MSI2: variants seen among roughly 807,000 people sequenced by gnomAD.
MSI2 encodes the protein musashi RNA binding protein 2, also known as RNA-binding protein Musashi homolog 2.
Under a neutral mutation model 45.6 loss-of-function variants are expected in MSI2, and 17 were observed. The ratio of observed to expected loss-of-function variants is 0.37; its 90% confidence interval spans 0.26 to 0.56. The LOEUF is 0.56. Among genes scored for constraint, MSI2 ranks in the 20% least tolerant of loss-of-function variants. The pLI is 0.77. For synonymous variants in MSI2, 156 were observed against 158.2 expected (o/e 0.99, Z 0.11); for missense variants, 293 against 444.2 (o/e 0.66, Z 3.06).
At chr17:57,464,157 G>A (rs868358874) in intron 6 of MSI2, among the ~76,000 whole-genome samples, 1 of 152,076 alleles carries the variant, frequency 6.6e-6, no homozygotes, top group Non-Finnish European at 1.5e-5. Context: ...GGTAGAAAAA[G>A]AGTTGGCCAG....
At position 57,336,173 on chromosome 17, in the gene MSI2, T is replaced by C. The variant is rs149767258; in HGVS notation, c.313-65206T>C. On this transcript the variant is annotated intron_variant, in intron 5 of 13. Coordinates refer to ENST00000284073, the MANE Select transcript of MSI2 (RefSeq NM_138962.4). ...TGGTGGTGAGGACGGTGGTGAGAAGTGGTTAGATTCCAGCTATGTCTTGAA... is the reference window on the plus strand; with the variant it reads ...TGGTGGTGAGGACGGTGGTGAGAAGCGGTTAGATTCCAGCTATGTCTTGAA... Among the ~76,000 whole-genome samples the C allele has an allele frequency of 2.1e-3, 325 of 152,172 alleles. 1 individual carries two copies. The highest frequency in any genetic ancestry group is 7.5e-3 in the African/African-American group (312 of 41,508).
In MSI2 at chr17:57,407,756, G is replaced by A. The variant is rs1396798630; in HGVS notation, c.405+6285G>A. ...AAGGACCATGCGCACGCTCTTCCCT[G>A]GCTGAAGGCTACTTTTGTGTTTAAA... On this transcript the variant is annotated intron_variant, in intron 6 of 13. Coordinates refer to ENST00000284073, the MANE Select transcript of MSI2 (RefSeq NM_138962.4). The surrounding 1 kb of genome is among the most constrained non-coding windows in gnomAD (Gnocchi z 4.1). Among the ~76,000 whole-genome samples, 1 of 152,204 alleles carries A rather than the reference G, an allele frequency of 6.6e-6. No homozygotes were observed. Among genetic ancestry groups the A allele is most frequent in the Non-Finnish European group, 1.5e-5 (1 of 68,036 alleles).
chr17:57,333,776 AT>A (rs1213489343), intron 5 of MSI2, among the ~76,000 whole-genome samples: 1 of 141,898 alleles, frequency 7.0e-6, no homozygotes, highest in Non-Finnish European at 1.5e-5. Context: ...TATTATTATT[AT>A]TTTAAATAAG....
At chr17:57,480,283 A>T (rs527916247) in intron 6 of MSI2, among the ~76,000 whole-genome samples, 5 of 152,302 alleles carry the variant, frequency 3.3e-5, no homozygotes, top group Non-Finnish European at 7.3e-5. Context: ...TTTTGTCAGG[A>T]GAAAAAGCTG....
intron 6 of MSI2, among the ~76,000 whole-genome samples, chr17:57,441,145 G>A (rs1434481668): frequency 3.9e-5 from 6 of 152,284 alleles, no homozygotes; most frequent in Non-Finnish European, 5.9e-5. Flanking sequence ...TTCCATTGAC[G>A]GGGACGGGTT....
chr17:57,484,167 T>C (rs1441680445), intron 6 of MSI2, among the ~76,000 whole-genome samples: 2 of 152,234 alleles, frequency 1.3e-5, no homozygotes, highest in Non-Finnish European at 2.9e-5. Flanking sequence ...CTCACCTTCC[T>C]CCCTGTGACT....
At chr17:57,425,459 C>T (rs904388523) in intron 6 of MSI2, among the ~76,000 whole-genome samples, 12 of 152,272 alleles carry the variant, frequency 7.9e-5, no homozygotes, top group Admixed American at 2.0e-4. Flanking sequence ...ATATAAACTA[C>T]GGTTGTGTAC....
At chr17:57,316,092 G>T (rs1471770530) in intron 5 of MSI2, among the ~76,000 whole-genome samples, 1 of 151,822 alleles carries the variant, frequency 6.6e-6, no homozygotes, top group Admixed American at 6.6e-5. Context: ...AGTACACCTG[G>T]TCTTGTTACA....
At chr17:57,391,089 T>C (rs1004897985) in intron 5 of MSI2, among the ~76,000 whole-genome samples, 6 of 152,206 alleles carry the variant, frequency 3.9e-5, no homozygotes, top group Non-Finnish European at 7.3e-5. Flanking sequence ...ATTTGGGAGC[T>C]CTGAGCTTGT....
In MSI2 at chr17:57,641,305, G is replaced by A. The variant is rs112931168; in HGVS notation, c.728-10794G>A. On this transcript the variant is annotated intron_variant, in intron 10 of 13. Transcript: ENST00000284073. ...CAGCAAAAAAAGTCGGAGCGCTCAA[G>A]ACTTGAGCGTTTGCTGTCCTGGTTG... Among the ~76,000 whole-genome samples the A allele has an allele frequency of 5.3e-3, 807 of 152,304 alleles. 6 individuals are homozygous for A. Among genetic ancestry groups the A allele is most frequent in the Non-Finnish European group, 9.3e-3 (635 of 68,014 alleles).
chr17:57,313,359 C>G (rs1488795996), intron 5 of MSI2, among the ~76,000 whole-genome samples: 1 of 152,170 alleles, frequency 6.6e-6, no homozygotes, highest in Non-Finnish European at 1.5e-5. Context: ...CACTCCCTGC[C>G]CAGCATTTAG....
chr17:57,441,988 A>G (rs1470503084), intron 6 of MSI2, among the ~76,000 whole-genome samples: 1 of 151,764 alleles, frequency 6.6e-6, no homozygotes, highest in South Asian at 2.1e-4. Context: ...GCTTGGCTGT[A>G]CATTTAAACT....
chr17:57,306,608 G>A (rs180782816), intron 5 of MSI2, among the ~76,000 whole-genome samples: 1 of 152,332 alleles, frequency 6.6e-6, no homozygotes, highest in Admixed American at 6.5e-5. Context: ...AAGAGATCCT[G>A]TCACCCCTCC....
At chr17:57,623,661 T>C (rs565471969) in intron 9 of MSI2, among the ~76,000 whole-genome samples, 11 of 152,246 alleles carry the variant, frequency 7.2e-5, no homozygotes, top group African/African-American at 2.2e-4. Flanking sequence ...AGCAGATAAA[T>C]TGTGCAGTGG....
chr17:57,363,040 C>G (rs1318212796), intron 5 of MSI2, among the ~76,000 whole-genome samples: 3 of 152,148 alleles, frequency 2.0e-5, no homozygotes, highest in African/African-American at 4.8e-5. Flanking sequence ...GAGGCAGGGA[C>G]TTGAACAGAC....
chr17:57,316,556 C>T (rs1460284158), intron 5 of MSI2, among the ~76,000 whole-genome samples: 1 of 152,180 alleles, frequency 6.6e-6, no homozygotes, highest in African/African-American at 2.4e-5. Context: ...AAACTCCTGG[C>T]CTCAAGTGAT....
In MSI2 at chr17:57,627,359, G is replaced by C. The variant is rs753109316; in HGVS notation, c.727+56G>C. The C allele has an allele frequency of 1.3e-6, 2 of 1,502,380 alleles. No homozygotes were observed. Among genetic ancestry groups the C allele is most frequent in the South Asian group, 1.1e-5 (1 of 88,686 alleles). 93.1% of individuals were successfully genotyped at this position (1,502,380 alleles called of 1,614,324 possible). A position where few individuals can be genotyped will look rare whatever the true frequency, so the allele number is the denominator to read the frequency against. ...AGCACAAGAGGTGGGCTGCATTTGC[G>C]GGGAGGTGAGAGGACCCCTAAAGAG... On this transcript the variant is annotated intron_variant, in intron 10 of 13. Transcript: ENST00000284073. This position sits in a 1 kb window ranked among gnomAD's most constrained non-coding sequence, Gnocchi z 4.6.
At chr17:57,459,182 G>A (rs2143606025) in intron 6 of MSI2, among the ~76,000 whole-genome samples, 1 of 152,268 alleles carries the variant, frequency 6.6e-6, no homozygotes, top group Non-Finnish European at 1.5e-5. Flanking sequence ...TGGGCTAAGT[G>A]TTTCTCACAC....
chr17:57,563,746 G>GCGCGCACACACACACACACACACACA (rs534460755), intron 7 of MSI2, among the ~76,000 whole-genome samples: 20 of 139,398 alleles, frequency 1.4e-4, no homozygotes, highest in South Asian at 4.8e-4. Context: ...ACACAGGCGC[G>GCGCGCACACACACACACACACACACA]CACACACACA....
Sources: allele counts gnomAD v4.1 joint callset (sites outside exome capture counted in the v4.1 genomes callset), GRCh38; gene constraint gnomAD v4.1.1; non-coding constraint Gnocchi (gnomAD v3.1); transcripts MANE v1.5; gene names NCBI Gene and HGNC (gene_info 2026-07-23, HGNC 2026-07-21).